The following NUDT21 variants were observed in gnomAD, a reference collection of about 807,000 sequenced individuals.
NUDT21 encodes cleavage and polyadenylation specificity factor subunit 5.
NUDT21 carries 5 observed loss-of-function variants against 29.8 expected under a neutral mutation model. The ratio of observed to expected loss-of-function variants is 0.17; its 90% confidence interval spans 0.09 to 0.35. NUDT21 has a LOEUF of 0.35. Among genes scored for constraint, NUDT21 ranks in the 10% least tolerant of loss-of-function variants. The pLI, the probability that NUDT21 is intolerant of heterozygous loss-of-function variation, is 1.00. For synonymous variants in NUDT21, 113 were observed against 98.5 expected (o/e 1.15, Z -0.87); for missense variants, 76 against 276.0 (o/e 0.28, Z 5.13).
In NUDT21 at chr16:56,431,408, A is replaced by G. The variant is rs1323603747; in HGVS notation, c.*1304T>C. The G allele has an allele frequency of 6.6e-6, 1 of 152,182 alleles. No homozygotes were observed. Among genetic ancestry groups the G allele is most frequent in the East Asian group, 1.9e-4 (1 of 5,196 alleles). 9.4% of individuals were successfully genotyped at this position (152,182 alleles called of 1,614,324 possible). A position where few individuals can be genotyped will look rare whatever the true frequency, so the allele number is the denominator to read the frequency against. On this transcript the variant is annotated 3_prime_UTR_variant, in exon 7 of 7. Transcript: ENST00000300291. Reference sequence around the variant, plus strand: ...GGGTTTGACATGACCCCAACTAAAAAAACTTGAGTGTTTATTAATTGCTCA... The same window carrying G: ...GGGTTTGACATGACCCCAACTAAAAGAACTTGAGTGTTTATTAATTGCTCA...
chr16:56,441,050 AT>A (rs1962154002), intron 3 of NUDT21, among the ~76,000 whole-genome samples: 1 of 151,234 alleles, frequency 6.6e-6, no homozygotes, highest in Non-Finnish European at 1.5e-5. Context: ...TCAAAACTAC[AT>A]TTTTTAAGAG....
chr16:56,450,963 G>A (rs1173851574), intron 1 of NUDT21, 124 bp downstream of exon 1: 4 of 733,230 alleles, frequency 5.5e-6, no homozygotes, highest in South Asian at 1.7e-5. Flanking sequence ...GCGCGCATCC[G>A]CCAGCGGGAG....
At chr16:56,447,389 T>C (rs1450548149) in intron 2 of NUDT21, among the ~76,000 whole-genome samples, 6 of 152,220 alleles carry the variant, frequency 3.9e-5, no homozygotes, top group African/African-American at 1.4e-4. Context: ...GTTTGAGAGA[T>C]GTAGGAGCTT....
intron 1 of NUDT21, 98 bp downstream of exon 1, chr16:56,450,989 T>G (rs1596959788): frequency 8.4e-6 from 8 of 957,676 alleles, no homozygotes; most frequent in East Asian, 2.6e-5. Flanking sequence ...GGCGGGGAGG[T>G]GCAGAGGCGT....
At chr16:56,440,819 A>G (rs959944773) in intron 3 of NUDT21, among the ~76,000 whole-genome samples, 1 of 151,944 alleles carries the variant, frequency 6.6e-6, no homozygotes, top group Non-Finnish European at 1.5e-5. Context: ...GCTCACTGCA[A>G]CCTCCACCTC....
At chr16:56,446,792 A>C in intron 2 of NUDT21, 103 bp from the exon 3 acceptor site, 1 of 676,914 alleles carries the variant, frequency 1.5e-6, no homozygotes. Context: ...AACATATTTC[A>C]GCATAATAAG....
At chr16:56,439,581 A>T in intron 4 of NUDT21, 76 bp downstream of exon 4, 3 of 952,284 alleles carry the variant, frequency 3.2e-6, no homozygotes, top group South Asian at 1.4e-5. Context: ...ATTCTACTTT[A>T]ATCTTTTTTA....
chr16:56,432,109 A>T lies in NUDT21; in HGVS notation c.*603T>A, dbSNP rs1962041075. 1 of 152,182 alleles carries T rather than the reference A, an allele frequency of 6.6e-6. No individual in the cohort carries two copies. Among genetic ancestry groups the T allele is most frequent in the Non-Finnish European group, 1.5e-5 (1 of 68,046 alleles). 9.4% of individuals were successfully genotyped at this position (152,182 alleles called of 1,614,324 possible). On this transcript the variant is annotated 3_prime_UTR_variant, in exon 7 of 7. Coordinates refer to ENST00000300291, the MANE Select transcript of NUDT21 (RefSeq NM_007006.3). ...GACTACTGATCGAGCCAATTTTAAT[A>T]GTTTCCTGTATGTTTAAGGTCTGTT...
At chr16:56,434,201 T>G in intron 6 of NUDT21, 130 bp downstream of exon 6, 1 of 665,932 alleles carries the variant, frequency 1.5e-6, no homozygotes, top group Non-Finnish European at 2.7e-6. Context: ...GCACATGATC[T>G]AAGAGTCTAT....
At chr16:56,435,341 C>T (rs377103908) in intron 4 of NUDT21, 2,209 of 152,426 alleles carry the variant, frequency 0.014, 41 homozygotes, top group African/African-American at 0.044. Flanking sequence ...CTTGAACTCC[C>T]GACCTCAGGT....
At chr16:56,439,444 G>A (rs1962137600) in intron 4 of NUDT21, 4 of 495,494 alleles carry the variant, frequency 8.1e-6, no homozygotes, top group African/African-American at 2.0e-5. Context: ...CTGAAGTGCT[G>A]GGATTACAGG....
At chr16:56,442,616 C>T (rs546851075) in intron 3 of NUDT21, among the ~76,000 whole-genome samples, 12 of 152,232 alleles carry the variant, frequency 7.9e-5, no homozygotes, top group East Asian at 5.8e-4. Flanking sequence ...TATGCCTTTG[C>T]GTGGATCTTT....
At chr16:56,447,558 C>T (rs1172114344) in intron 2 of NUDT21, 2 of 503,758 alleles carry the variant, frequency 4.0e-6, no homozygotes, top group South Asian at 2.1e-5. Flanking sequence ...GGGTTTCTAC[C>T]AAGCTCAATC....
intron 4 of NUDT21, chr16:56,439,248 T>A (rs994897639): frequency 6.2e-6 from 1 of 162,130 alleles, no homozygotes; most frequent in Non-Finnish European, 1.3e-5. Flanking sequence ...CTCGGTTCAC[T>A]GCAACTTCTG....
In NUDT21 at chr16:56,451,329, G is replaced by C; in HGVS notation, c.-127C>G. 1 of 810,326 alleles carries C rather than the reference G, an allele frequency of 1.2e-6. No individual in the cohort carries two copies. Among genetic ancestry groups the C allele is most frequent in the Non-Finnish European group, 1.9e-6 (1 of 514,362 alleles). The allele number at this position is 810,326 out of a possible 1,614,324, so 50.2% of individuals were successfully genotyped here. The stretch of plus-strand genomic sequence containing the variant: ...CCGCCATTAACAGGACAGCGCAAGA[G>C]GAGGCGTAGGCACGCCGGAAGTGAA... On this transcript the variant is annotated 5_prime_UTR_variant, in exon 1 of 7. Transcript: ENST00000300291.
At chr16:56,444,611 A>AC (rs1962196540) in intron 3 of NUDT21, among the ~76,000 whole-genome samples, 2 of 149,608 alleles carry the variant, frequency 1.3e-5, no homozygotes, top group Admixed American at 6.6e-5. Flanking sequence ...AAAAAAAAAA[A>AC]AACAAAAACA....
chr16:56,443,798 C>A (rs1003369513), intron 3 of NUDT21, among the ~76,000 whole-genome samples: 3 of 152,106 alleles, frequency 2.0e-5, no homozygotes, highest in Non-Finnish European at 4.4e-5. Context: ...ACCATGAAGC[C>A]CTCACCAGCT....
chr16:56,435,286 G>C (rs1962084303), intron 4 of NUDT21: 2 of 152,750 alleles, frequency 1.3e-5, no homozygotes, highest in Non-Finnish European at 2.9e-5. Context: ...ACCATGCCTG[G>C]CTAATTTTGT....
chr16:56,439,800 C>T, intron 3 of NUDT21, 54 bp from the exon 4 acceptor site: 1 of 1,379,840 alleles, frequency 7.2e-7, no homozygotes, highest in East Asian at 2.3e-5. Flanking sequence ...TCACAAATCC[C>T]CTTCTTCAGT....
Sources: gnomAD v4.1 joint callset for allele counts (sites outside exome capture counted in the v4.1 genomes callset) on GRCh38, gnomAD v4.1.1 for gene constraint, MANE v1.5 for transcripts, NCBI Gene and HGNC (gene_info 2026-07-23, HGNC 2026-07-21) for gene names.